Variants in PCLO observed in about 807,000 individuals in gnomAD.
PCLO encodes protein piccolo.
PCLO carries 82 observed loss-of-function variants against 427.5 expected under a neutral mutation model. That is an observed-to-expected ratio of 0.19 (90% CI 0.16 to 0.23). The LOEUF (loss-of-function observed/expected upper bound fraction) is 0.23, where lower values mean the gene tolerates loss of function less well. Ranked by LOEUF, PCLO falls within the 10% of genes least tolerant of loss-of-function variation. The pLI is 1.00. For missense variants in PCLO, 6,239 were observed against 6,115.9 expected, an observed-to-expected ratio of 1.02 and a Z score of -0.67; for synonymous variants, 2,357 against 2,155.4, an observed-to-expected ratio of 1.09 and a Z score of -2.59.
At chr7:82,981,988 A>T (rs1471041284) in intron 3 of PCLO, among the ~76,000 whole-genome samples, 1 of 152,132 alleles carries the variant, frequency 6.6e-6, no homozygotes, top group Non-Finnish European at 1.5e-5. Flanking sequence ...AAATGGAAAC[A>T]TTGGTTAAAA....
In PCLO at chr7:83,155,861, A is replaced by G. The variant is rs777026150; in HGVS notation, c.780T>C (p.Gly260=). The change falls in exon 2 of 25, where the codon GGT becomes GGC. Residue 260 remains glycine, a synonymous_variant. Coordinates refer to ENST00000333891, the MANE Select transcript of PCLO (RefSeq NM_033026.6). ...GGTCTGTCTGAGGAGTCTGGGTAGGACCCTGAATTGGCTTTCCTGTACCTG... is the reference window on the plus strand; with the variant it reads ...GGTCTGTCTGAGGAGTCTGGGTAGGGCCCTGAATTGGCTTTCCTGTACCTG... ...QPPGTGKPIQ[G]PTQTPQTDHA... is the part of the protein sequence containing the mutation. The G allele has an allele frequency of 1.4e-5, 23 of 1,613,578 alleles. No homozygotes were observed. The highest frequency in any genetic ancestry group is 1.9e-5 in the Non-Finnish European group (22 of 1,179,852).
intron 3 of PCLO, among the ~76,000 whole-genome samples, chr7:83,127,726 CAG>C (rs968434736): frequency 6.6e-6 from 1 of 152,032 alleles, no homozygotes; most frequent in African/African-American, 2.4e-5. Context: ...ATAGTATAAA[CAG>C]ACTCAAGAGT....
chr7:83,057,522 C>T lies in PCLO; in HGVS notation c.3300+76728G>A, dbSNP rs545132306. 8.5e-3 allele frequency among the ~76,000 whole-genome samples: 1,271 copies of T among 149,560 alleles called. 13 individuals carry two copies. The highest frequency in any genetic ancestry group is 0.014 in the Non-Finnish European group (925 of 67,406). On this transcript the variant is annotated intron_variant, in intron 3 of 24. Coordinates refer to ENST00000333891, the MANE Select transcript of PCLO (RefSeq NM_033026.6). Reference sequence around the variant, plus strand: ...GACTGCATGCGCCCGCCACCATGCCCGGCTAATTTTTTGTATTTTTAGTGG... The same window carrying T: ...GACTGCATGCGCCCGCCACCATGCCTGGCTAATTTTTTGTATTTTTAGTGG...
At chr7:82,863,178 T>G (rs1485240661) in intron 10 of PCLO, among the ~76,000 whole-genome samples, 1 of 151,978 alleles carries the variant, frequency 6.6e-6, no homozygotes, top group Admixed American at 6.6e-5. Flanking sequence ...TTTGCTTACT[T>G]TGCTTATATT....
At chr7:83,108,394 A>T (rs952979356) in intron 3 of PCLO, among the ~76,000 whole-genome samples, 12 of 152,150 alleles carry the variant, frequency 7.9e-5, no homozygotes, top group African/African-American at 2.9e-4. Context: ...AATAATTAAG[A>T]CATATGCCAG....
intron 2 of PCLO, among the ~76,000 whole-genome samples, chr7:83,141,149 T>A (rs1299160113): frequency 6.6e-6 from 1 of 152,150 alleles, no homozygotes; most frequent in East Asian, 1.9e-4. Context: ...TCCAACATGA[T>A]ACTACAATCC....
At chr7:82,861,386 T>C (rs569179670) in intron 10 of PCLO, among the ~76,000 whole-genome samples, 2 of 152,072 alleles carry the variant, frequency 1.3e-5, no homozygotes, top group East Asian at 1.9e-4. Flanking sequence ...AGACAAAAGC[T>C]ATAAGAAGAG....
At chr7:82,970,385 C>T (rs1208909051) in intron 3 of PCLO, among the ~76,000 whole-genome samples, 1 of 151,650 alleles carries the variant, frequency 6.6e-6, no homozygotes, top group Non-Finnish European at 1.5e-5. Context: ...TGGTTACCTA[C>T]CTATGTTGGT....
intron 3 of PCLO, among the ~76,000 whole-genome samples, chr7:83,071,100 C>A (rs2116354505): frequency 6.6e-6 from 1 of 150,992 alleles, no homozygotes; most frequent in South Asian, 2.1e-4. Flanking sequence ...GTGTATAATT[C>A]AATGGTGTTA....
intron 3 of PCLO, among the ~76,000 whole-genome samples, chr7:82,984,592 C>T (rs150636984): frequency 2.1e-3 from 312 of 152,064 alleles, no homozygotes; most frequent in African/African-American, 7.2e-3. Context: ...TCATTCACCA[C>T]GTGACAAGGT....
At chr7:82,998,985 A>G (rs1194148208) in intron 3 of PCLO, among the ~76,000 whole-genome samples, 2 of 151,400 alleles carry the variant, frequency 1.3e-5, no homozygotes, top group East Asian at 1.9e-4. Context: ...TGAAAATATT[A>G]AGAAAAAATA....
In PCLO at chr7:82,794,472, T is replaced by C. The variant is rs1444519332; in HGVS notation, c.15007+7046A>G. ...TAAATTTTTTTTCTTTTTTTTTTTT[T>C]TTTTTTTTTTTTTTTTTGAGACACA... On this transcript the variant is annotated intron_variant, in intron 22 of 24. Coordinates refer to ENST00000333891, the MANE Select transcript of PCLO (RefSeq NM_033026.6). Among the ~76,000 whole-genome samples the C allele has an allele frequency of 3.8e-3, 375 of 99,250 alleles. 4 individuals carry two copies. The highest frequency in any genetic ancestry group is 4.8e-3 in the Non-Finnish European group (241 of 50,706). The allele number at this position is 99,250 out of a possible 152,430, so 65.1% of individuals were successfully genotyped here.
At chr7:83,116,877 G>C (rs1035145253) in intron 3 of PCLO, among the ~76,000 whole-genome samples, 3 of 152,066 alleles carry the variant, frequency 2.0e-5, no homozygotes, top group African/African-American at 4.8e-5. Context: ...AGGTAATGTG[G>C]TATTTACATG....
intron 9 of PCLO, among the ~76,000 whole-genome samples, chr7:82,892,330 G>T (rs550139022): frequency 1.3e-5 from 2 of 152,108 alleles, no homozygotes; most frequent in African/African-American, 4.8e-5. Flanking sequence ...ATGGGGAAAG[G>T]ATTCCCTATT....
chr7:82,869,834 A>C (rs1300158913), intron 10 of PCLO, among the ~76,000 whole-genome samples: 1 of 152,060 alleles, frequency 6.6e-6, no homozygotes, highest in Non-Finnish European at 1.5e-5. Flanking sequence ...GAATAAATTT[A>C]ACTAAATAAA....
chr7:82,859,562 C>T (rs1020653750), intron 10 of PCLO, among the ~76,000 whole-genome samples: 42 of 152,170 alleles, frequency 2.8e-4, no homozygotes, highest in African/African-American at 8.7e-4. Flanking sequence ...GGGGTGCCCC[C>T]TAAAGCAGAC....
chr7:82,969,112 A>G (rs1246754353), intron 3 of PCLO, among the ~76,000 whole-genome samples: 1 of 152,162 alleles, frequency 6.6e-6, no homozygotes, highest in Non-Finnish European at 1.5e-5. Context: ...TGAGGCCACA[A>G]TGGTACATGG....
intron 3 of PCLO, among the ~76,000 whole-genome samples, chr7:83,002,474 C>T (rs1787847411): frequency 6.6e-6 from 1 of 151,812 alleles, no homozygotes; most frequent in Non-Finnish European, 1.5e-5. Flanking sequence ...CTGTAGTTGA[C>T]AATGCAATTT....
intron 3 of PCLO, among the ~76,000 whole-genome samples, chr7:83,027,263 A>C: frequency 6.6e-6 from 1 of 150,590 alleles, no homozygotes; most frequent in East Asian, 1.9e-4. Flanking sequence ...ATAAAAAATG[A>C]AAAAGGGGAT....
Sources: allele counts gnomAD v4.1 joint callset (sites outside exome capture counted in the v4.1 genomes callset), GRCh38; gene constraint gnomAD v4.1.1; transcripts MANE v1.5; gene names NCBI Gene and HGNC (gene_info 2026-07-23, HGNC 2026-07-21).